The following DTNA variants were observed in gnomAD, a reference collection of about 807,000 sequenced individuals.
The protein encoded by DTNA is dystrophin-related protein 3.
In DTNA, 43 loss-of-function variants were observed where a neutral mutation model predicts 100.7. That is an observed-to-expected ratio of 0.43 (90% confidence interval 0.33 to 0.55). DTNA has a LOEUF of 0.55. DTNA is among the 20% of genes least tolerant of loss of function. The pLI, the probability that DTNA is intolerant of heterozygous loss-of-function variation, is 0.04. For synonymous variants in DTNA, 349 were observed against 347.9 expected (o/e 1.00, Z -0.04); for missense variants, 798 against 953.9 (o/e 0.84, Z 2.15).
intron 1 of DTNA, among the ~76,000 whole-genome samples, chr18:34,744,091 C>G (rs536994974): frequency 6.6e-6 from 1 of 152,264 alleles, no homozygotes; most frequent in East Asian, 1.9e-4. Context: ...AAGAAGAAAG[C>G]AACCAAATTA....
At chr18:34,711,782 G>A (rs2082951661) in intron 1 of DTNA, among the ~76,000 whole-genome samples, 1 of 151,944 alleles carries the variant, frequency 6.6e-6, no homozygotes. Flanking sequence ...TTTAAGCAAG[G>A]AATTATAATC....
At chr18:34,729,774 G>T (rs1035828953) in intron 1 of DTNA, among the ~76,000 whole-genome samples, 3 of 152,056 alleles carry the variant, frequency 2.0e-5, no homozygotes, top group African/African-American at 7.3e-5. Context: ...AATTCAAGGT[G>T]GAAAGACATA....
At chr18:34,684,184 A>G (rs2078529099) in intron 1 of DTNA, among the ~76,000 whole-genome samples, 1 of 152,118 alleles carries the variant, frequency 6.6e-6, no homozygotes, top group Non-Finnish European at 1.5e-5. Context: ...GTTCTGGGAT[A>G]CATATGCAGA....
At chr18:34,831,098 A>G (rs1190596102) in intron 11 of DTNA, among the ~76,000 whole-genome samples, 1 of 152,144 alleles carries the variant, frequency 6.6e-6, no homozygotes, top group African/African-American at 2.4e-5. Context: ...TAAAATCTTA[A>G]TTATCTTGCC....
At chr18:34,784,960 G>A (rs532077131) in intron 3 of DTNA, among the ~76,000 whole-genome samples, 17 of 149,568 alleles carry the variant, frequency 1.1e-4, no homozygotes, top group African/African-American at 1.7e-4. Flanking sequence ...TTGAGATGGA[G>A]TCTTGCTCTG....
At chr18:34,493,778 A>G (rs993827314) in intron 1 of DTNA, 1 of 148,650 alleles carries the variant, frequency 6.7e-6, no homozygotes, top group Non-Finnish European at 1.5e-5. Flanking sequence ...CCGCGCACCG[A>G]GCAAAGTCAA....
At chr18:34,692,394 A>T (rs1454545052) in intron 1 of DTNA, among the ~76,000 whole-genome samples, 1 of 152,192 alleles carries the variant, frequency 6.6e-6, no homozygotes. Flanking sequence ...TATTCCGAGA[A>T]AAAAAACTAG....
upstream of DTNA, among the ~76,000 whole-genome samples, chr18:34,709,089 A>G (rs1024747194): frequency 6.6e-6 from 1 of 151,796 alleles, no homozygotes; most frequent in Non-Finnish European, 1.5e-5. Context: ...GGGTTTAACC[A>G]CAGCAAGCCA....
chr18:34,666,739 T>C (rs2075985767), intron 1 of DTNA, among the ~76,000 whole-genome samples: 1 of 152,062 alleles, frequency 6.6e-6, no homozygotes, highest in Non-Finnish European at 1.5e-5. Context: ...TGTAGATGTG[T>C]GGTATTATTT....
chr18:34,816,107 G>A lies in DTNA; in HGVS notation c.709+93G>A, dbSNP rs920815196. 11 of 1,315,848 alleles carry A rather than the reference G, an allele frequency of 8.4e-6. No individual in the cohort carries two copies. In the Admixed American group the frequency reaches 1.4e-4, roughly 16 times the overall value. The allele number at this position is 1,315,848 out of a possible 1,614,324, so 81.5% of individuals were successfully genotyped here. A position where few individuals can be genotyped will look rare whatever the true frequency, so the allele number is the denominator to read the frequency against. ...TAGTAAGCCCAGGCTGTTGTTTTAG[G>A]GAAGCCTATTTAGTGGCTCTTAGTT... On this transcript the variant is annotated intron_variant, in intron 7 of 22. Coordinates refer to ENST00000444659, the MANE Select transcript of DTNA (RefSeq NM_001386795.1).
intron 3 of DTNA, among the ~76,000 whole-genome samples, chr18:34,770,517 A>C (rs73428242): frequency 0.025 from 3,830 of 152,226 alleles, 175 homozygotes; most frequent in African/African-American, 0.088. Context: ...CATGTGGACA[A>C]CTGGTTCCTA....
At chr18:34,557,702 C>T (rs571581827) in intron 1 of DTNA, among the ~76,000 whole-genome samples, 2 of 151,614 alleles carry the variant, frequency 1.3e-5, no homozygotes, top group Admixed American at 6.6e-5. Context: ...GTCAGGGACC[C>T]ACTTGAGGAG....
chr18:34,523,010 T>C (rs1201102067), intron 1 of DTNA, among the ~76,000 whole-genome samples: 2 of 152,224 alleles, frequency 1.3e-5, no homozygotes, highest in Admixed American at 6.5e-5. Flanking sequence ...ATTAAAACAT[T>C]CAAGCAAAGA....
chr18:34,705,974 T>G (rs2082059391), upstream of DTNA, among the ~76,000 whole-genome samples: 1 of 152,030 alleles, frequency 6.6e-6, no homozygotes, highest in South Asian at 2.1e-4. Flanking sequence ...CGAGATGGAG[T>G]TTTGCTCTTG....
At chr18:34,794,951 G>T (rs2094906106) in intron 4 of DTNA, among the ~76,000 whole-genome samples, 4 of 152,196 alleles carry the variant, frequency 2.6e-5, no homozygotes, top group African/African-American at 9.6e-5. Flanking sequence ...CATGTTAGTG[G>T]CCGAGTGGGG....
intron 1 of DTNA, among the ~76,000 whole-genome samples, chr18:34,614,370 A>G (rs1403676416): frequency 1.3e-5 from 2 of 152,186 alleles, no homozygotes; most frequent in African/African-American, 4.8e-5. Flanking sequence ...ATCAAGAGTA[A>G]TTTCAACTTC....
intron 1 of DTNA, among the ~76,000 whole-genome samples, chr18:34,710,971 C>T (rs2082788811): frequency 6.6e-6 from 1 of 151,966 alleles, no homozygotes; most frequent in Non-Finnish European, 1.5e-5. Context: ...TTGCGAGCCT[C>T]ATCTAACATG....
chr18:34,684,255 C>T (rs192152985), intron 1 of DTNA, among the ~76,000 whole-genome samples: 3 of 152,204 alleles, frequency 2.0e-5, no homozygotes, highest in East Asian at 1.9e-4. Flanking sequence ...CCCATCAACC[C>T]GTCATCTACA....
At chr18:34,805,079 CTT>C (rs1481970071) in intron 4 of DTNA, among the ~76,000 whole-genome samples, 1 of 152,116 alleles carries the variant, frequency 6.6e-6, no homozygotes, top group Non-Finnish European at 1.5e-5. Flanking sequence ...TTAAATAACT[CTT>C]TTGACCATTC....
Sources: allele counts gnomAD v4.1 joint callset (sites outside exome capture counted in the v4.1 genomes callset), GRCh38; gene constraint gnomAD v4.1.1; transcripts MANE v1.5; gene names NCBI Gene and HGNC (gene_info 2026-07-23, HGNC 2026-07-21).